The following FOXD3 variants were observed in gnomAD, a reference collection of about 807,000 sequenced individuals.
FOXD3 encodes the protein forkhead box protein D3.
A neutral mutation model predicts 3.6 loss-of-function variants in FOXD3; 3 were observed. The ratio of observed to expected loss-of-function variants is 0.84; its 90% CI spans 0.38 to 2.18. The LOEUF (loss-of-function observed/expected upper bound fraction) is 2.18. Among genes scored for constraint, FOXD3 ranks in the 30% most tolerant of loss-of-function variants. The pLI is 0.06. For missense variants in FOXD3, 686 were observed against 731.6 expected (o/e 0.94, Z 0.72); for synonymous variants, 391 against 360.9 (o/e 1.08, Z -0.94).
At position 63,323,994 on chromosome 1, in the gene FOXD3, G is replaced by A. The variant is rs1356581840; in HGVS notation, c.936G>A (p.Pro312=). The change falls in exon 1 of 1, where the codon CCG becomes CCA. Residue 312 remains proline, a synonymous_variant. Transcript: ENST00000371116. This position sits in a 1 kb window ranked among gnomAD's most constrained non-coding sequence, Gnocchi z 6.8. ...CGTACGCGCTGCCGCCGGTGGCACC[G>A]GTGCTGCCTCCCGCTGTGCCGCTGC... is the stretch of plus-strand genomic sequence containing the variant. The part of the protein sequence containing the change: ...QYPYALPPVA[P]VLPPAVPLLP... 5 of 1,293,452 alleles carry A rather than the reference G, an allele frequency of 3.9e-6. No homozygotes were observed. In the African/African-American group the frequency reaches 6.2e-5, roughly 16 times the overall value. 80.1% of individuals were successfully genotyped at this position (1,293,452 alleles called of 1,614,324 possible). A position where few individuals can be genotyped will look rare whatever the true frequency, so the allele number is the denominator to read the frequency against.
chr1:63,323,999 T>C lies in FOXD3; in HGVS notation c.941T>C (p.Leu314Pro), dbSNP rs1457805345. The C allele has an allele frequency of 4.5e-6, 6 of 1,327,334 alleles. No individual in the cohort carries two copies. The highest frequency in any genetic ancestry group is 5.8e-6 in the Non-Finnish European group (6 of 1,043,312). The allele number at this position is 1,327,334 out of a possible 1,614,324, so 82.2% of individuals were successfully genotyped here. The change falls in exon 1 of 1, where the codon CTG (leucine) becomes CCG (proline). Residue 314 changes from leucine to proline, a missense_variant. Coordinates refer to ENST00000371116, the MANE Select transcript of FOXD3 (RefSeq NM_012183.3). This position sits in a 1 kb window ranked among gnomAD's most constrained non-coding sequence, Gnocchi z 6.8. ...PYALPPVAPV[L>P]PPAVPLLPSG... ...GCGCTGCCGCCGGTGGCACCGGTGCTGCCTCCCGCTGTGCCGCTGCTGCCC... is the reference window on the plus strand; with the variant it reads ...GCGCTGCCGCCGGTGGCACCGGTGCCGCCTCCCGCTGTGCCGCTGCTGCCC...
Position 63,322,944 on chromosome 1 carries a change from G to T in FOXD3, c.-115G>T. 1 of 1,400,828 alleles carries T rather than the reference G, an allele frequency of 7.1e-7. No individual in the cohort carries two copies. The highest frequency in any genetic ancestry group is 1.5e-5 in the South Asian group (1 of 65,660). The allele number at this position is 1,400,828 out of a possible 1,614,324, so 86.8% of individuals were successfully genotyped here. On this transcript the variant is annotated 5_prime_UTR_variant, in exon 1 of 1. Coordinates refer to ENST00000371116, the MANE Select transcript of FOXD3 (RefSeq NM_012183.3). ...ACCTGCGGCCCCCTCCCCTCTCCCT[G>T]CCCCCCATCTTTCGGGGGCACTCAA...
Position 63,324,462 on chromosome 1 carries a change from G to T in FOXD3, c.1404G>T (p.Ala468=). The T allele has an allele frequency of 2.6e-6, 4 of 1,538,386 alleles. No individual in the cohort carries two copies. Among genetic ancestry groups the T allele is most frequent in the Non-Finnish European group, 3.5e-6 (4 of 1,148,722 alleles). Residue 468 remains alanine, a synonymous_variant, in exon 1 of 1, where the codon GCG becomes GCT. Transcript: ENST00000371116. The surrounding 1 kb of genome is among the most constrained non-coding windows in gnomAD (Gnocchi z 4.1). ...QPAASAAAAA[A]AAAQAKWPAQ Reference sequence around the variant, plus strand: ...CAGCCTCGGCCGCCGCCGCTGCTGCGGCCGCCGCTCAAGCCAAATGGCCGG... The same window carrying T: ...CAGCCTCGGCCGCCGCCGCTGCTGCTGCCGCCGCTCAAGCCAAATGGCCGG...
Position 63,323,387 on chromosome 1 carries a change from G to T in FOXD3, c.329G>T (p.Gly110Val). 7.1e-7 allele frequency: 1 copy of T among 1,407,324 alleles called. No homozygotes were observed. Among genetic ancestry groups the T allele is most frequent in the South Asian group, 1.6e-5 (1 of 61,476 alleles). 87.2% of individuals were successfully genotyped at this position (1,407,324 alleles called of 1,614,324 possible). The change falls in exon 1 of 1, where the codon GGC becomes GTC. Residue 110 changes from glycine (G) to valine (V), a missense_variant. Gly to Val is a moderately radical substitution (Grantham distance 109, BLOSUM62 -3). Transcript: ENST00000371116. This position sits in a 1 kb window ranked among gnomAD's most constrained non-coding sequence, Gnocchi z 6.8. ...GACGGCTGCAAGGGCGGTGTTGGCG[G>T]CGAGGAGGGCGGCGCGAGCGGCGGC... ...EADGCKGGVG[G>V]EEGGASGGGP...
chr1:63,324,200 A>G lies in FOXD3; in HGVS notation c.1142A>G (p.Glu381Gly). 6.9e-7 allele frequency: 1 copy of G among 1,441,278 alleles called. No individual in the cohort carries two copies. Among genetic ancestry groups the G allele is most frequent in the East Asian group, 2.9e-5 (1 of 34,128 alleles). The allele number at this position is 1,441,278 out of a possible 1,614,324, so 89.3% of individuals were successfully genotyped here. Residue 381 changes from glutamate to glycine, a missense_variant, in exon 1 of 1, where the codon GAG (glutamate) becomes GGG (glycine). By Grantham distance (98) the Glu-to-Gly change is moderately conservative (BLOSUM62 -2). This residue lies in a region of FOXD3 where 370 missense variants were observed against 372.3 expected (regional missense o/e 0.99). Coordinates refer to ENST00000371116, the MANE Select transcript of FOXD3 (RefSeq NM_012183.3). This position sits in a 1 kb window ranked among gnomAD's most constrained non-coding sequence, Gnocchi z 4.1. The stretch of plus-strand genomic sequence containing the variant: ...AGCGCGCGGCCGTCGTTCAGCATCG[A>G]GAACATCATAGGTGGGGGCCCCGCG... ...EPSARPSFSI[E>G]NIIGGGPAAP...
In FOXD3 at chr1:63,322,797, T is replaced by C. The variant is rs140627039; in HGVS notation, c.-262T>C. On this transcript the variant is annotated 5_prime_UTR_variant, in exon 1 of 1. Coordinates refer to ENST00000371116, the MANE Select transcript of FOXD3 (RefSeq NM_012183.3). ...GGGGCCGGGAGCGGTAGCGAGCGCC[T>C]AGTACCGAGCGCCAGGGACGGCAGG... The C allele has an allele frequency of 4.5e-5, 44 of 985,238 alleles. No homozygotes were observed. The African/African-American group carries it at 7.3e-4, about 16-fold the overall frequency. 61.0% of individuals were successfully genotyped at this position (985,238 alleles called of 1,614,324 possible).
In FOXD3 at chr1:63,322,836, C is replaced by T; in HGVS notation, c.-223C>T. ...AGGGACGGCAGGAGTTCGCGGAGCG[C>T]GGCCGCTGGGGGCGGACGGCAGAGC... On this transcript the variant is annotated 5_prime_UTR_variant, in exon 1 of 1. Transcript: ENST00000371116. The T allele has an allele frequency of 2.0e-6, 2 of 985,400 alleles. No individual in the cohort carries two copies. Among genetic ancestry groups the T allele is most frequent in the Non-Finnish European group, 2.4e-6 (2 of 829,910 alleles). The allele number at this position is 985,400 out of a possible 1,614,324, so 61.0% of individuals were successfully genotyped here.
In FOXD3 at chr1:63,323,314, G is replaced by A. The variant is rs1346018667; in HGVS notation, c.256G>A (p.Ala86Thr). Residue 86 changes from alanine to threonine, a missense_variant, in exon 1 of 1, where the codon GCC (alanine) becomes ACC (threonine). By Grantham distance (58) the Ala-to-Thr change is moderately conservative (BLOSUM62 0). Transcript: ENST00000371116. This position sits in a 1 kb window ranked among gnomAD's most constrained non-coding sequence, Gnocchi z 6.8. The stretch of plus-strand genomic sequence containing the variant: ...GCCCCTGACATTGCCCAAGGAGGCG[G>A]CCGGAGCCGGGGCCGGACCGGGGGG... The part of the protein sequence containing the change: ...QQPLTLPKEA[A>T]GAGAGPGGDV... 3 of 1,383,100 alleles carry A rather than the reference G, an allele frequency of 2.2e-6. No individual in the cohort carries two copies. Among genetic ancestry groups the A allele is most frequent in the Non-Finnish European group, 2.8e-6 (3 of 1,075,352 alleles). 85.7% of individuals were successfully genotyped at this position (1,383,100 alleles called of 1,614,324 possible).
chr1:63,323,029 C>T lies in FOXD3; in HGVS notation c.-30C>T, dbSNP rs1647037746. On this transcript the variant is annotated 5_prime_UTR_variant, in exon 1 of 1. Transcript: ENST00000371116. This position sits in a 1 kb window ranked among gnomAD's most constrained non-coding sequence, Gnocchi z 6.8. ...ACACCCTCATCGCCCGCTGCCCCCTCCCCGCCGCCGCTACCAACCCCGAGG... is the reference window on the plus strand; with the variant it reads ...ACACCCTCATCGCCCGCTGCCCCCTTCCCGCCGCCGCTACCAACCCCGAGG... 11 of 1,512,682 alleles carry T rather than the reference C, an allele frequency of 7.3e-6. No individual in the cohort carries two copies. Among genetic ancestry groups the T allele is most frequent in the Non-Finnish European group, 9.7e-6 (11 of 1,135,062 alleles). 93.7% of individuals were successfully genotyped at this position (1,512,682 alleles called of 1,614,324 possible).
chr1:63,323,618 A>G lies in FOXD3; in HGVS notation c.560A>G (p.Asn187Ser). 2.5e-6 allele frequency: 4 copies of G among 1,614,048 alleles called. No homozygotes were observed. Among genetic ancestry groups the G allele is most frequent in the Non-Finnish European group, 2.5e-6 (3 of 1,179,998 alleles). ...AGGGAGAAGTTCCCCGCCTGGCAGA[A>G]CAGCATCCGCCACAACCTCTCACTC... ...YYREKFPAWQ[N>S]SIRHNLSLND... The change falls in exon 1 of 1, where the codon AAC (asparagine) becomes AGC (serine). Residue 187 changes from asparagine to serine, a missense_variant. Asn to Ser is a conservative substitution (Grantham distance 46). Coordinates refer to ENST00000371116, the MANE Select transcript of FOXD3 (RefSeq NM_012183.3). The surrounding 1 kb of genome is among the most constrained non-coding windows in gnomAD (Gnocchi z 6.8).
rs1417586392 is a variant in FOXD3, at chr1:63,322,625, C to A, written c.-434C>A. 3.2e-6 allele frequency: 3 copies of A among 945,666 alleles called. No individual in the cohort carries two copies. The highest frequency in any genetic ancestry group is 1.8e-5 in the African/African-American group (1 of 56,400). The allele number at this position is 945,666 out of a possible 1,614,324, so 58.6% of individuals were successfully genotyped here. On this transcript the variant is annotated 5_prime_UTR_variant, in exon 1 of 1. Coordinates refer to ENST00000371116, the MANE Select transcript of FOXD3 (RefSeq NM_012183.3). Reference sequence around the variant, plus strand: ...GGCGTCCCTGACACCCAGCCCCCTGCCCCCCCGCTACTGTCCCTGCCCGCG... The same window carrying A: ...GGCGTCCCTGACACCCAGCCCCCTGACCCCCCGCTACTGTCCCTGCCCGCG...
At position 63,324,593 on chromosome 1, in the gene FOXD3, C is replaced by T; in HGVS notation, c.*98C>T. On this transcript the variant is annotated 3_prime_UTR_variant, in exon 1 of 1. Coordinates refer to ENST00000371116, the MANE Select transcript of FOXD3 (RefSeq NM_012183.3). This position sits in a 1 kb window ranked among gnomAD's most constrained non-coding sequence, Gnocchi z 4.1. ...CCTGTCCCAAGCCCGGTCCCGGTCC[C>T]GCTGCCCAATCCTGGACTCTGCCTC... The T allele has an allele frequency of 2.2e-6, 2 of 908,986 alleles. No individual in the cohort carries two copies. Among genetic ancestry groups the T allele is most frequent in the Middle Eastern group, 3.2e-4 (1 of 3,120 alleles). 56.3% of individuals were successfully genotyped at this position (908,986 alleles called of 1,614,324 possible). A position where few individuals can be genotyped will look rare whatever the true frequency, so the allele number is the denominator to read the frequency against.
In FOXD3 at chr1:63,323,461, C is replaced by A; in HGVS notation, c.403C>A (p.Pro135Thr). 1.2e-6 allele frequency: 2 copies of A among 1,612,148 alleles called. No individual in the cohort carries two copies. Among genetic ancestry groups the A allele is most frequent in the South Asian group, 1.1e-5 (1 of 90,968 alleles). The change falls in exon 1 of 1, where the codon CCC becomes ACC. Residue 135 changes from proline (P) to threonine (T), a missense_variant. Pro to Thr is a conservative substitution (Grantham distance 38). Around this residue, in one of 3 missense-constraint regions of FOXD3, gnomAD observed 232 missense variants for 214.0 expected, o/e 1.08. Coordinates refer to ENST00000371116, the MANE Select transcript of FOXD3 (RefSeq NM_012183.3). This position sits in a 1 kb window ranked among gnomAD's most constrained non-coding sequence, Gnocchi z 6.8. Reference protein sequence around the residue: ...GSAGGLAPSKPKNSLVKPPYS... With the variant: ...GSAGGLAPSKTKNSLVKPPYS... ...GGCGGGAGGCCTGGCCCCGAGCAAGCCCAAGAACAGCCTAGTGAAGCCGCC... is the reference window on the plus strand; with the variant it reads ...GGCGGGAGGCCTGGCCCCGAGCAAGACCAAGAACAGCCTAGTGAAGCCGCC...
rs1315254113 is a variant in FOXD3, at chr1:63,323,198, C to T, written c.140C>T (p.Pro47Leu). The change falls in exon 1 of 1, where the codon CCC (proline) becomes CTC (leucine). Residue 47 changes from proline (P) to leucine (L), a missense_variant. Physicochemically the swap from Pro to Leu is moderately conservative, Grantham distance 98. Around this residue, in one of 3 missense-constraint regions of FOXD3, gnomAD observed 232 missense variants for 214.0 expected, o/e 1.08. Coordinates refer to ENST00000371116, the MANE Select transcript of FOXD3 (RefSeq NM_012183.3). This position sits in a 1 kb window ranked among gnomAD's most constrained non-coding sequence, Gnocchi z 6.8. ...GACAGCGACGCAGGTTGCGATAGCC[C>T]CGCGGGGCCGCCGGAGCTGCGCCTG... The part of the protein sequence containing the change: ...EKDSDAGCDS[P>L]AGPPELRLDE... 9.1e-6 allele frequency: 14 copies of T among 1,542,858 alleles called. No homozygotes were observed. The highest frequency in any genetic ancestry group is 1.2e-5 in the Non-Finnish European group (14 of 1,146,432).
In FOXD3 at chr1:63,324,578, GCCCGGT is replaced by G; in HGVS notation, c.*94_*99del. On this transcript the variant is annotated 3_prime_UTR_variant, in exon 1 of 1. Transcript: ENST00000371116. The surrounding 1 kb of genome is among the most constrained non-coding windows in gnomAD (Gnocchi z 4.1). ...CTCCAGGCTGCGCGCCCTGTCCCAA[GCCCGGT>G]CCCGGTCCCGCTGCCCAATCCTGGA... is the stretch of plus-strand genomic sequence containing the variant. The G allele has an allele frequency of 9.4e-7, 1 of 1,064,072 alleles. No individual in the cohort carries two copies. Among genetic ancestry groups the G allele is most frequent in the Non-Finnish European group, 1.4e-6 (1 of 727,442 alleles). 65.9% of individuals were successfully genotyped at this position (1,064,072 alleles called of 1,614,324 possible). A position where few individuals can be genotyped will look rare whatever the true frequency, so the allele number is the denominator to read the frequency against.
At position 63,322,624 on chromosome 1, in the gene FOXD3, G is replaced by A; in HGVS notation, c.-435G>A. 1.1e-6 allele frequency: 1 copy of A among 948,450 alleles called. No homozygotes were observed. The allele number at this position is 948,450 out of a possible 1,614,324, so 58.8% of individuals were successfully genotyped here. ...CGGCGTCCCTGACACCCAGCCCCCT[G>A]CCCCCCCGCTACTGTCCCTGCCCGC... On this transcript the variant is annotated 5_prime_UTR_variant, in exon 1 of 1. Transcript: ENST00000371116.
chr1:63,322,750 G>C lies in FOXD3; in HGVS notation c.-309G>C, dbSNP rs906710318. On this transcript the variant is annotated 5_prime_UTR_variant, in exon 1 of 1. Transcript: ENST00000371116. ...GCCGAGGAAGGCGGGCTAAGTGAGG[G>C]GGCGCGGCGTGGAGAACCGCCGGGG... 1 of 985,272 alleles carries C rather than the reference G, an allele frequency of 1.0e-6. No homozygotes were observed. The highest frequency in any genetic ancestry group is 1.2e-6 in the Non-Finnish European group (1 of 829,908). 61.0% of individuals were successfully genotyped at this position (985,272 alleles called of 1,614,324 possible). A position where few individuals can be genotyped will look rare whatever the true frequency, so the allele number is the denominator to read the frequency against.
In FOXD3 at chr1:63,324,489, G is replaced by A. The variant is rs1221843212; in HGVS notation, c.1431G>A (p.Ala477=). 2 of 1,536,448 alleles carry A rather than the reference G, an allele frequency of 1.3e-6. No individual in the cohort carries two copies. Among genetic ancestry groups the A allele is most frequent in the East Asian group, 2.5e-5 (1 of 40,684 alleles). ...CCGCCGCTCAAGCCAAATGGCCGGC[G>A]CAATAGGGACGCGCCAATGGCCGGG... ...AAAAAQAKWP[A]Q is the part of the protein sequence containing the mutation. The change falls in exon 1 of 1, where the codon GCG becomes GCA. Residue 477 remains alanine (A), a synonymous_variant. Transcript: ENST00000371116. This position sits in a 1 kb window ranked among gnomAD's most constrained non-coding sequence, Gnocchi z 4.1.
rs1647061930 is a variant in FOXD3 at position 63,324,647 on chromosome 1, A to G, written c.*152A>G. The stretch of plus-strand genomic sequence containing the variant: ...CCAATTTCCTTTCCCCTGAGCCCCC[A>G]ACGCCTACCTTCCGCGGCCTCCATC... On this transcript the variant is annotated 3_prime_UTR_variant, in exon 1 of 1. Coordinates refer to ENST00000371116, the MANE Select transcript of FOXD3 (RefSeq NM_012183.3). The surrounding 1 kb of genome is among the most constrained non-coding windows in gnomAD (Gnocchi z 4.1). 1.6e-6 allele frequency: 1 copy of G among 636,880 alleles called. No homozygotes were observed. The highest frequency in any genetic ancestry group is 3.0e-5 in the East Asian group (1 of 33,564). The allele number at this position is 636,880 out of a possible 1,614,324, so 39.5% of individuals were successfully genotyped here.
Sources: gnomAD v4.1 joint callset for allele counts on GRCh38, gnomAD v4.1.1 for gene constraint, gnomAD v4.1.1 regional missense constraint, Gnocchi (gnomAD v3.1) non-coding constraint, MANE v1.5 for transcripts, NCBI Gene and HGNC (gene_info 2026-07-23, HGNC 2026-07-21) for gene names.